CIMIP6: variants seen among roughly 807,000 people sequenced by gnomAD.
The protein encoded by CIMIP6 is uncharacterized protein C2orf73.
the CIMIP6 span, among the ~76,000 whole-genome samples, chr2:54,332,324 T>A: frequency 6.6e-6 from 1 of 152,238 alleles, no homozygotes; most frequent in Non-Finnish European, 1.5e-5. Context: ...CTATATAATT[T>A]ACTTTTTCAT....
the CIMIP6 span, among the ~76,000 whole-genome samples, chr2:54,354,133 C>A: frequency 1.5e-4 from 23 of 152,194 alleles, no homozygotes; most frequent in Non-Finnish European, 3.1e-4. Context: ...ACTTATAGGA[C>A]CTCCTTAATT....
At chr2:54,374,717 C>T in the CIMIP6 span, among the ~76,000 whole-genome samples, 2 of 152,308 alleles carry the variant, frequency 1.3e-5, no homozygotes, top group Admixed American at 6.5e-5. Flanking sequence ...TTCTAATTCT[C>T]TTTTGTGTCT....
At chr2:54,376,990 AAC>A in the CIMIP6 span, among the ~76,000 whole-genome samples, 1 of 152,218 alleles carries the variant, frequency 6.6e-6, no homozygotes, top group Non-Finnish European at 1.5e-5. Flanking sequence ...CCTTCTGAAG[AAC>A]AGTCTTTACT....
At chr2:54,374,458 A>G in the CIMIP6 span, among the ~76,000 whole-genome samples, 6 of 152,222 alleles carry the variant, frequency 3.9e-5, no homozygotes, top group African/African-American at 1.4e-4. Context: ...AGAACAAACT[A>G]TCTCAGGGGA....
the CIMIP6 span, among the ~76,000 whole-genome samples, chr2:54,346,050 A>C: frequency 1.3e-5 from 2 of 151,956 alleles, no homozygotes; most frequent in African/African-American, 4.8e-5. Flanking sequence ...TTCAAGTGGC[A>C]CTGGGCATTA....
chr2:54,381,942 G>A, the CIMIP6 span: 2 of 1,549,374 alleles, frequency 1.3e-6, no homozygotes, highest in African/African-American at 2.7e-5. Context: ...TGTTTTTTTA[G>A]GTGGTTTCAT....
At chr2:54,377,123 A>T in the CIMIP6 span, among the ~76,000 whole-genome samples, 1 of 152,140 alleles carries the variant, frequency 6.6e-6, no homozygotes, top group Non-Finnish European at 1.5e-5. Context: ...TTATTCCCTT[A>T]CAAAGGGAAT....
the CIMIP6 span, among the ~76,000 whole-genome samples, chr2:54,365,737 A>C: frequency 2.6e-5 from 4 of 152,198 alleles, no homozygotes; most frequent in African/African-American, 7.2e-5. Flanking sequence ...TTAAACAAAA[A>C]GTATACAGAA....
At chr2:54,369,712 C>G in the CIMIP6 span, among the ~76,000 whole-genome samples, 1 of 152,124 alleles carries the variant, frequency 6.6e-6, no homozygotes, top group Non-Finnish European at 1.5e-5. Flanking sequence ...TATGATTTCC[C>G]AGGCCACAAG....
At chr2:54,333,879 A>G in the CIMIP6 span, among the ~76,000 whole-genome samples, 3 of 152,148 alleles carry the variant, frequency 2.0e-5, no homozygotes, top group African/African-American at 7.2e-5. Context: ...GGACAGAGTA[A>G]GACTCCGTCT....
chr2:54,354,991 T>C, the CIMIP6 span, among the ~76,000 whole-genome samples: 1 of 152,126 alleles, frequency 6.6e-6, no homozygotes. Flanking sequence ...TTATTTCTAG[T>C]CTTGAATTCT....
the CIMIP6 span, chr2:54,343,976 C>A: frequency 9.3e-7 from 1 of 1,078,868 alleles, no homozygotes; most frequent in African/African-American, 1.6e-5. Flanking sequence ...ATAATTACTT[C>A]TCTATGAAGT....
chr2:54,334,987 T>C, the CIMIP6 span: 1 of 1,605,246 alleles, frequency 6.2e-7, no homozygotes, highest in Non-Finnish European at 8.5e-7. Flanking sequence ...AATGAACCAT[T>C]TCCCTACATA....
chr2:54,365,951 A>G, the CIMIP6 span, among the ~76,000 whole-genome samples: 55 of 152,366 alleles, frequency 3.6e-4, 1 homozygote, highest in African/African-American at 1.2e-3. Flanking sequence ...AAGACAGAGA[A>G]TAGAATGTTA....
the CIMIP6 span, among the ~76,000 whole-genome samples, chr2:54,350,545 A>G: frequency 1.3e-5 from 2 of 152,362 alleles, no homozygotes; most frequent in South Asian, 2.1e-4. Context: ...AGCAGAAGCT[A>G]TAAGGCTTTC....
At chr2:54,339,809 C>T in the CIMIP6 span, 2 of 102,470 alleles carry the variant, frequency 2.0e-5, 1 homozygote, top group African/African-American at 8.5e-5. Context: ...GGCTGTGGAG[C>T]TTGGCTTACG....
At chr2:54,332,650 CA>C in the CIMIP6 span, among the ~76,000 whole-genome samples, 1 of 152,184 alleles carries the variant, frequency 6.6e-6, no homozygotes, top group African/African-American at 2.4e-5. Context: ...ACTTATTTAT[CA>C]ACCCGTAGGC....
the CIMIP6 span, among the ~76,000 whole-genome samples, chr2:54,363,516 TC>T: frequency 6.6e-6 from 1 of 152,236 alleles, no homozygotes; most frequent in Non-Finnish European, 1.5e-5. Flanking sequence ...CTCTTCATAT[TC>T]ATTGACTCTA....
At chr2:54,370,064 G>A in the CIMIP6 span, among the ~76,000 whole-genome samples, 1 of 152,128 alleles carries the variant, frequency 6.6e-6, no homozygotes, top group African/African-American at 2.4e-5. Flanking sequence ...AGACCAGCCT[G>A]ACCAACATGG....
Sources: allele counts gnomAD v4.1 joint callset (sites outside exome capture counted in the v4.1 genomes callset), GRCh38; gene constraint gnomAD v4.1.1; transcripts MANE v1.5; gene names NCBI Gene and HGNC (gene_info 2026-07-23, HGNC 2026-07-21).